Variants in SCUBE1 observed in about 807,000 individuals in gnomAD.
SCUBE1 encodes the protein signal peptide, CUB and EGF-like domain-containing protein 1.
SCUBE1 carries 59 observed loss-of-function variants against 124.4 expected under a neutral mutation model. That is an observed-to-expected ratio of 0.47 (90% CI 0.38 to 0.59). The LOEUF is 0.59. SCUBE1 is among the 20% of genes least tolerant of loss of function. The probability of loss-of-function intolerance (pLI) is 0.00; values close to 1 mark genes in which losing one functional copy is unlikely to be tolerated. For synonymous variants in SCUBE1, 545 were observed against 550.9 expected (o/e 0.99, Z 0.15); for missense variants, 1,150 against 1,371.2 (o/e 0.84, Z 2.55).
intron 21 of SCUBE1, among the ~76,000 whole-genome samples, chr22:43,206,986 C>T (rs1474959607): frequency 6.6e-6 from 1 of 152,162 alleles, no homozygotes; most frequent in Non-Finnish European, 1.5e-5. Context: ...TCCAGCCCTG[C>T]CCTTGTCCTC....
At chr22:43,264,924 T>C (rs1408160328) in intron 4 of SCUBE1, among the ~76,000 whole-genome samples, 1 of 152,230 alleles carries the variant, frequency 6.6e-6, no homozygotes, top group East Asian at 1.9e-4. Context: ...CCACCACCCA[T>C]GTGAATTTCC....
At chr22:43,329,412 C>T (rs951336333) in intron 2 of SCUBE1, among the ~76,000 whole-genome samples, 5 of 152,254 alleles carry the variant, frequency 3.3e-5, no homozygotes, top group African/African-American at 9.6e-5. Context: ...GATCTCCTGC[C>T]CCTGCTGAAC....
At chr22:43,241,173 G>A (rs148142182) in intron 6 of SCUBE1, among the ~76,000 whole-genome samples, 17 of 152,314 alleles carry the variant, frequency 1.1e-4, no homozygotes, top group African/African-American at 4.1e-4. Flanking sequence ...CTCTGGACGA[G>A]GCAGCTTGAG....
intron 15 of SCUBE1, among the ~76,000 whole-genome samples, chr22:43,215,862 G>C (rs1181168932): frequency 6.6e-6 from 1 of 152,124 alleles, no homozygotes; most frequent in Non-Finnish European, 1.5e-5. Context: ...TGGGGTGGGT[G>C]TGTGGGTTGG....
intron 2 of SCUBE1, among the ~76,000 whole-genome samples, chr22:43,336,467 T>C (rs1413993040): frequency 6.6e-6 from 1 of 152,162 alleles, no homozygotes; most frequent in African/African-American, 2.4e-5. Context: ...AGACCCGCGC[T>C]AGTGCCAGGC....
Position 43,218,395 on chromosome 22 carries a change from G to T in SCUBE1, c.1751C>A (p.Thr584Asn), listed in dbSNP as rs1240376662. Residue 584 changes from threonine (T) to asparagine (N), a missense_variant, in exon 15 of 22, where the codon ACC becomes AAC. This residue lies in a region of SCUBE1 where 757 missense variants were observed against 840.9 expected (regional missense o/e 0.90). Coordinates refer to ENST00000360835, the MANE Select transcript of SCUBE1 (RefSeq NM_173050.5). ...CTGCCGGCCGATGGACTTGCGCAGG[G>T]TCTTGATGGCGGCCTGCAGGCTCTG... ...AEQSLQAAIK[T>N]LRKSIGRQQF... 6.2e-7 allele frequency: 1 copy of T among 1,613,478 alleles called. No individual in the cohort carries two copies. Among genetic ancestry groups the T allele is most frequent in the Non-Finnish European group, 8.5e-7 (1 of 1,180,040 alleles).
Position 43,307,759 on chromosome 22 carries a change from G to A in SCUBE1, c.349+12178C>T, listed in dbSNP as rs1433199668. ...ATTCCGCTTCGGAAAAAAGATTTCTGCTGCTATAAACCCCACAGCATCTGA... is the reference window on the plus strand; with the variant it reads ...ATTCCGCTTCGGAAAAAAGATTTCTACTGCTATAAACCCCACAGCATCTGA... On this transcript the variant is annotated intron_variant, in intron 3 of 21. Transcript: ENST00000360835. 3.3e-5 allele frequency among the ~76,000 whole-genome samples: 5 copies of A among 152,182 alleles called. No homozygotes were observed. The East Asian group carries it at 9.6e-4, about 29-fold the overall frequency.
At chr22:43,321,695 A>G (rs897543840) in intron 2 of SCUBE1, among the ~76,000 whole-genome samples, 1 of 152,208 alleles carries the variant, frequency 6.6e-6, no homozygotes, top group Non-Finnish European at 1.5e-5. Flanking sequence ...TAATCTGCCT[A>G]TAGGGGCACC....
chr22:43,342,736 C>T (rs1312341570), intron 1 of SCUBE1, among the ~76,000 whole-genome samples: 1 of 152,016 alleles, frequency 6.6e-6, no homozygotes, highest in Non-Finnish European at 1.5e-5. Context: ...TCCCGCACCT[C>T]CCGCCCCGTC....
chr22:43,213,733 A>T, intron 16 of SCUBE1: 1 of 176,006 alleles, frequency 5.7e-6, no homozygotes, highest in Non-Finnish European at 1.2e-5. Context: ...CGTAAAATGT[A>T]AGCTGTCTAG....
chr22:43,311,423 C>CT (rs5845592), intron 3 of SCUBE1, among the ~76,000 whole-genome samples: 2,696 of 134,844 alleles, frequency 0.02, 68 homozygotes, highest in East Asian at 0.11. Context: ...TAATGTAGCA[C>CT]TTTTTTTTTT....
At chr22:43,248,776 C>T (rs11705002) in intron 6 of SCUBE1, among the ~76,000 whole-genome samples, 3,570 of 152,344 alleles carry the variant, frequency 0.023, 145 homozygotes, top group African/African-American at 0.08. Context: ...TCAGACCTGC[C>T]TGAGTCCCTT....
intron 6 of SCUBE1, among the ~76,000 whole-genome samples, chr22:43,244,097 T>C (rs1923111283): frequency 6.6e-6 from 1 of 151,742 alleles, no homozygotes; most frequent in Non-Finnish European, 1.5e-5. Flanking sequence ...GCGGGGGGCA[T>C]GAAATAAGGC....
At chr22:43,296,341 G>A (rs1925558389) in intron 3 of SCUBE1, among the ~76,000 whole-genome samples, 1 of 152,210 alleles carries the variant, frequency 6.6e-6, no homozygotes, top group Non-Finnish European at 1.5e-5. Flanking sequence ...GAGTGGGCCT[G>A]TTTCCAATCC....
intron 4 of SCUBE1, among the ~76,000 whole-genome samples, chr22:43,264,467 C>T (rs1339065079): frequency 6.6e-6 from 1 of 152,140 alleles, no homozygotes. Context: ...CTGGCTGGAC[C>T]GGGTGGCCAG....
chr22:43,330,202 G>C (rs1926861602), intron 2 of SCUBE1, among the ~76,000 whole-genome samples: 3 of 152,206 alleles, frequency 2.0e-5, no homozygotes, highest in Non-Finnish European at 4.4e-5. Context: ...TGATGGATGA[G>C]GAAACCAGGG....
chr22:43,311,001 A>C (rs1417532316), intron 3 of SCUBE1, among the ~76,000 whole-genome samples: 1 of 151,738 alleles, frequency 6.6e-6, no homozygotes, highest in African/African-American at 2.4e-5. Context: ...CTGGTGTCAA[A>C]CTCCTGGGCT....
intron 4 of SCUBE1, among the ~76,000 whole-genome samples, chr22:43,267,867 G>A (rs139713370): frequency 1.1e-4 from 17 of 152,336 alleles, no homozygotes; most frequent in East Asian, 7.7e-4. Flanking sequence ...GGTATCTCTG[G>A]GTGGCAGCTG....
At chr22:43,219,514 G>T (rs958475685) in intron 14 of SCUBE1, among the ~76,000 whole-genome samples, 1 of 145,654 alleles carries the variant, frequency 6.9e-6, no homozygotes, top group Non-Finnish European at 1.5e-5. Context: ...CTCACTCGTC[G>T]CCAGGCTGGA....
Sources: gnomAD v4.1 joint callset for allele counts (sites outside exome capture counted in the v4.1 genomes callset) on GRCh38, gnomAD v4.1.1 for gene constraint, gnomAD v4.1.1 regional missense constraint, MANE v1.5 for transcripts, NCBI Gene and HGNC (gene_info 2026-07-23, HGNC 2026-07-21) for gene names.